BCAT1: variants seen among roughly 807,000 people sequenced by gnomAD.
BCAT1 encodes branched-chain-amino-acid aminotransferase, cytosolic.
Under a neutral mutation model 52.4 loss-of-function variants are expected in BCAT1, and 48 were observed. The observed-to-expected ratio is 0.92, with a 90% CI of 0.73 to 1.16. The LOEUF is 1.16. Among genes scored for constraint, BCAT1 ranks in the 50% most tolerant of loss-of-function variants. The pLI is 0.00. For synonymous variants in BCAT1, 167 were observed against 161.3 expected (o/e 1.04, Z -0.27); for missense variants, 451 against 457.1 (o/e 0.99, Z 0.12).
Position 24,817,884 on chromosome 12 carries a change from T to C in BCAT1, c.*124A>G. 1 of 951,410 alleles carries C rather than the reference T, an allele frequency of 1.1e-6. No individual in the cohort carries two copies. The highest frequency in any genetic ancestry group is 1.6e-6 in the Non-Finnish European group (1 of 609,098). The allele number at this position is 951,410 out of a possible 1,614,324, so 58.9% of individuals were successfully genotyped here. ...AGAAACAATCACTCTTGTAACACATTGATACTACAAACTACATTATGCACA... is the reference window on the plus strand; with the variant it reads ...AGAAACAATCACTCTTGTAACACATCGATACTACAAACTACATTATGCACA... On this transcript the variant is annotated 3_prime_UTR_variant, in exon 11 of 11. Coordinates refer to ENST00000261192, the MANE Select transcript of BCAT1 (RefSeq NM_005504.7).
chr12:24,842,155 G>C lies in BCAT1; in HGVS notation c.744C>G (p.Leu248=), dbSNP rs1460533900. 3 of 1,613,350 alleles carry C rather than the reference G, an allele frequency of 1.9e-6. No homozygotes were observed. Among genetic ancestry groups the C allele is most frequent in the Non-Finnish European group, 2.5e-6 (3 of 1,179,430 alleles). The stretch of plus-strand genomic sequence containing the variant: ...CAGTGATCTGATGGTCCTCTCCATA[G>C]AGCCACAGGACCTGCTGACACCCAT... ...VDNGCQQVLW[L]YGEDHQITEV... The change falls in exon 7 of 11, where the codon CTC becomes CTG. Residue 248 remains leucine (L), a synonymous_variant. Transcript: ENST00000261192.
At chr12:24,942,744 G>T (rs1943868192) in intron 1 of BCAT1, among the ~76,000 whole-genome samples, 1 of 152,184 alleles carries the variant, frequency 6.6e-6, no homozygotes, top group African/African-American at 2.4e-5. Context: ...CTAAGAAATT[G>T]CATATTAACC....
intron 5 of BCAT1, among the ~76,000 whole-genome samples, chr12:24,865,566 A>C (rs1941982219): frequency 6.6e-6 from 1 of 152,082 alleles, no homozygotes; most frequent in African/African-American, 2.4e-5. Context: ...TCAACAATAT[A>C]ATAGTTGATT....
intron 8 of BCAT1, among the ~76,000 whole-genome samples, chr12:24,835,372 T>C (rs1291319019): frequency 1.3e-5 from 2 of 152,162 alleles, no homozygotes; most frequent in African/African-American, 2.4e-5. Flanking sequence ...ACATTTGTCC[T>C]ATTACTACTA....
intron 5 of BCAT1, among the ~76,000 whole-genome samples, chr12:24,878,141 G>C (rs1192405217): frequency 1.3e-5 from 2 of 149,694 alleles, no homozygotes; most frequent in Non-Finnish European, 3.0e-5. Context: ...GCGACAACGT[G>C]GGCAAAAAAA....
At chr12:24,828,659 G>T (rs909408767) in intron 10 of BCAT1, among the ~76,000 whole-genome samples, 18 of 152,118 alleles carry the variant, frequency 1.2e-4, no homozygotes, top group African/African-American at 3.9e-4. Context: ...GAAAAAACAT[G>T]TAACAAAATT....
chr12:24,893,496 A>T lies in BCAT1; in HGVS notation c.279+779T>A, dbSNP rs145568921. Among the ~76,000 whole-genome samples, 56 of 152,312 alleles carry T rather than the reference A, an allele frequency of 3.7e-4. No individual in the cohort carries two copies. In the East Asian group the frequency reaches 0.011, roughly 29 times the overall value. The stretch of plus-strand genomic sequence containing the variant: ...TGAATGCTTAATCACATGCCTTCTC[A>T]CTTAAGGTAATTAAATGAGATGATT... On this transcript the variant is annotated intron_variant, in intron 3 of 10. Transcript: ENST00000261192.
intron 10 of BCAT1, among the ~76,000 whole-genome samples, chr12:24,822,059 C>A (rs774620577): frequency 3.9e-5 from 6 of 152,132 alleles, no homozygotes; most frequent in Non-Finnish European, 8.8e-5. Context: ...GTAACTGGAA[C>A]AGTAAGGAAT....
At chr12:24,924,044 C>T (rs1204623320) in intron 1 of BCAT1, among the ~76,000 whole-genome samples, 1 of 152,218 alleles carries the variant, frequency 6.6e-6, no homozygotes, top group Non-Finnish European at 1.5e-5. Flanking sequence ...AATTACAGCA[C>T]TAGACATTTT....
At chr12:24,857,901 C>A (rs1250034238) in intron 5 of BCAT1, among the ~76,000 whole-genome samples, 2 of 152,148 alleles carry the variant, frequency 1.3e-5, no homozygotes, top group Non-Finnish European at 2.9e-5. Context: ...TAGGGGAATA[C>A]CCCACTCTGT....
chr12:24,849,661 A>G (rs943947661), intron 6 of BCAT1, 125 bp downstream of exon 6: 3 of 1,105,302 alleles, frequency 2.7e-6, no homozygotes, highest in Non-Finnish European at 3.8e-6. Context: ...CTGAAAATTA[A>G]CCATGAAACA....
At chr12:24,900,424 A>G (rs1943069119) in intron 2 of BCAT1, among the ~76,000 whole-genome samples, 1 of 152,140 alleles carries the variant, frequency 6.6e-6, no homozygotes, top group Non-Finnish European at 1.5e-5. Context: ...CATCTCTACA[A>G]AAAATGACGA....
chr12:24,851,538 T>C lies in BCAT1; in HGVS notation c.511-1589A>G, dbSNP rs140227859. 6.3e-3 allele frequency among the ~76,000 whole-genome samples: 955 copies of C among 152,288 alleles called. 15 individuals carry two copies. Among genetic ancestry groups the C allele is most frequent in the African/African-American group, 0.022 (910 of 41,558 alleles). ...TTAGGAAATGGGAAGGTAATTTCAT[T>C]AGCATTCCATGGGAACATGACGACC... On this transcript the variant is annotated intron_variant, in intron 5 of 10. Coordinates refer to ENST00000261192, the MANE Select transcript of BCAT1 (RefSeq NM_005504.7).
At chr12:24,838,612 G>A (rs149988738) in intron 7 of BCAT1, among the ~76,000 whole-genome samples, 100 of 152,186 alleles carry the variant, frequency 6.6e-4, no homozygotes, top group African/African-American at 2.2e-3. Context: ...CAGCAGCCCC[G>A]CATGTGCAAG....
Position 24,916,715 on chromosome 12 carries a change from A to G in BCAT1, c.7-14830T>C, listed in dbSNP as rs554456268. 3.9e-5 allele frequency among the ~76,000 whole-genome samples: 6 copies of G among 152,122 alleles called. No individual in the cohort carries two copies. The East Asian group carries it at 1.2e-3, about 29-fold the overall frequency. ...GCCACCGCGCCTGGTTAATCTTTGT[A>G]GTTTTAGTAGAGACGGGGTTTCACC... On this transcript the variant is annotated intron_variant, in intron 1 of 10. Transcript: ENST00000261192.
At chr12:24,866,172 G>A (rs997301280) in intron 5 of BCAT1, among the ~76,000 whole-genome samples, 7 of 152,194 alleles carry the variant, frequency 4.6e-5, no homozygotes, top group African/African-American at 1.2e-4. Context: ...CATTCGGAGC[G>A]ACCGGCTGGC....
chr12:24,869,685 C>A (rs895303090), intron 5 of BCAT1, among the ~76,000 whole-genome samples: 1 of 152,068 alleles, frequency 6.6e-6, no homozygotes, highest in African/African-American at 2.4e-5. Context: ...AATACCATAC[C>A]AGATGGGAGA....
At chr12:24,941,727 A>C (rs1426818192) in intron 1 of BCAT1, among the ~76,000 whole-genome samples, 1 of 152,214 alleles carries the variant, frequency 6.6e-6, no homozygotes, top group East Asian at 1.9e-4. Flanking sequence ...AGCATTGATC[A>C]GTATCTTATT....
rs201382212 is a variant in BCAT1, at chr12:24,866,728, CCA to C, written c.510+11800_510+11801del. ...AATCAACACTCTTTATCTAGCTAAT[CCA>C]GTGGGGAGGTGGAGAACTTTTGTGT... On this transcript the variant is annotated intron_variant, in intron 5 of 10. Coordinates refer to ENST00000261192, the MANE Select transcript of BCAT1 (RefSeq NM_005504.7). 6.2e-3 allele frequency among the ~76,000 whole-genome samples: 951 copies of C among 152,244 alleles called. 14 individuals carry two copies. The highest frequency in any genetic ancestry group is 0.022 in the African/African-American group (907 of 41,542).
Sources: gnomAD v4.1 joint callset for allele counts (sites outside exome capture counted in the v4.1 genomes callset) on GRCh38, gnomAD v4.1.1 for gene constraint, MANE v1.5 for transcripts, NCBI Gene and HGNC (gene_info 2026-07-23, HGNC 2026-07-21) for gene names.